ADAMTS12: variants seen among roughly 807,000 people sequenced by gnomAD.
ADAMTS12 encodes ADAM metallopeptidase with thrombospondin type 1 motif 12.
ADAMTS12 carries 118 observed loss-of-function variants against 167.8 expected under a neutral mutation model. The ratio of observed to expected loss-of-function variants is 0.70; its 90% confidence interval spans 0.61 to 0.82. The LOEUF (loss-of-function observed/expected upper bound fraction) is 0.82, where lower values mean the gene tolerates loss of function less well. ADAMTS12 is among the 40% of genes least tolerant of loss of function. ADAMTS12 has a pLI of 0.00. For missense variants in ADAMTS12, 1,916 were observed against 1,998.8 expected, an observed-to-expected ratio of 0.96 and a Z score of 0.79; for synonymous variants, 704 against 716.9, an observed-to-expected ratio of 0.98 and a Z score of 0.29.
At position 33,781,739 on chromosome 5, in the gene ADAMTS12, A is replaced by C. The variant is rs375561141; in HGVS notation, c.490-30191T>G. 1.2e-4 allele frequency among the ~76,000 whole-genome samples: 19 copies of C among 152,060 alleles called. No homozygotes were observed. The East Asian group carries it at 3.1e-3, about 25-fold the overall frequency. ...ACTTTAAGTTTTAGGGTACATGTGC[A>C]CAATGTGCAGGTTAGTTACATATGT... On this transcript the variant is annotated intron_variant, in intron 2 of 23. Coordinates refer to ENST00000504830, the MANE Select transcript of ADAMTS12 (RefSeq NM_030955.4).
rs1322592340 is a variant in ADAMTS12 at position 33,534,944 on chromosome 5, C to T, written c.4495G>A (p.Val1499Met). The T allele has an allele frequency of 1.2e-6, 2 of 1,613,656 alleles. No individual in the cohort carries two copies. The highest frequency in any genetic ancestry group is 2.2e-5 in the East Asian group (1 of 44,870). ...GGFQKRTVQC[V>M]PSEGNKTEDQ... ...TCAGTTTTATTGCCCTCTGAGGGCA[C>T]ACATTGGACAGTCCTCTTCTGAAAG... The change falls in exon 23 of 24, where the codon GTG becomes ATG. Residue 1499 changes from valine (V) to methionine (M), a missense_variant. Coordinates refer to ENST00000504830, the MANE Select transcript of ADAMTS12 (RefSeq NM_030955.4).
At chr5:33,802,925 C>G (rs186949337) in intron 2 of ADAMTS12, among the ~76,000 whole-genome samples, 20 of 152,270 alleles carry the variant, frequency 1.3e-4, no homozygotes, top group African/African-American at 4.8e-4. Context: ...CTGAGGAACT[C>G]TACATGCCAG....
In ADAMTS12 at chr5:33,576,111, G is replaced by T; in HGVS notation, c.3915C>A (p.Tyr1305Ter). Reference protein sequence around the residue: ...TEGFLLNASNYKQLTNGHGSA... With the variant: ...TEGFLLNASN ...AGCCGTGGCCGTTTGTGAGCTGCTT[G>T]TAATTGGAGGCATTTAGCAAAAAGC... The change falls in exon 19 of 24, where the codon TAC (tyrosine) becomes TAA (stop). Residue 1305 changes from tyrosine (Y) to a stop codon, truncating the protein, a stop_gained. Transcript: ENST00000504830. LOFTEE classifies it high-confidence loss of function. 1 of 1,614,184 alleles carries T rather than the reference G, an allele frequency of 6.2e-7. No homozygotes were observed. Among genetic ancestry groups the T allele is most frequent in the Non-Finnish European group, 8.5e-7 (1 of 1,180,024 alleles).
chr5:33,608,495 C>T (rs571975833), intron 16 of ADAMTS12, among the ~76,000 whole-genome samples: 8 of 152,132 alleles, frequency 5.3e-5, no homozygotes, highest in African/African-American at 7.2e-5. Context: ...TCACTTATCA[C>T]GCTTAGAGTT....
intron 5 of ADAMTS12, among the ~76,000 whole-genome samples, chr5:33,681,665 G>T (rs1460183017): frequency 6.6e-5 from 10 of 152,138 alleles, no homozygotes; most frequent in Non-Finnish European, 1.2e-4. Flanking sequence ...AATAAGAGGG[G>T]TCTACTTTGA....
At chr5:33,777,149 G>T (rs1401507008) in intron 2 of ADAMTS12, among the ~76,000 whole-genome samples, 2 of 152,048 alleles carry the variant, frequency 1.3e-5, no homozygotes, top group African/African-American at 4.8e-5. Flanking sequence ...TATTGAAGAG[G>T]TAGAATGACT....
At chr5:33,594,558 C>T (rs1747819244) in intron 17 of ADAMTS12, among the ~76,000 whole-genome samples, 1 of 152,212 alleles carries the variant, frequency 6.6e-6, no homozygotes, top group Admixed American at 6.5e-5. Flanking sequence ...CTGCCTCATT[C>T]TTCCCTGAGA....
In ADAMTS12 at chr5:33,534,997, A is replaced by C. The variant is rs1344537477; in HGVS notation, c.4447-5T>G. 6.3e-7 allele frequency: 1 copy of C among 1,598,892 alleles called. No homozygotes were observed. Among genetic ancestry groups the C allele is most frequent in the Non-Finnish European group, 8.5e-7 (1 of 1,175,010 alleles). ...ACCTCCACAGGAAGTGGAACACTGA[A>C]AGAGAAGGTGAACAGAGAGTCAGAA... is the stretch of plus-strand genomic sequence containing the variant. On this transcript the variant is annotated splice_polypyrimidine_tract_variant and splice_region_variant and intron_variant, in intron 22 of 23. Coordinates refer to ENST00000504830, the MANE Select transcript of ADAMTS12 (RefSeq NM_030955.4).
chr5:33,853,697 C>T (rs1298725571), intron 2 of ADAMTS12, among the ~76,000 whole-genome samples: 1 of 152,190 alleles, frequency 6.6e-6, no homozygotes, highest in African/African-American at 2.4e-5. Context: ...TTTCGACAAA[C>T]AATTTGCCAC....
chr5:33,751,541 A>C lies in ADAMTS12; in HGVS notation c.497T>G (p.Phe166Cys). 1.2e-6 allele frequency: 2 copies of C among 1,613,884 alleles called. No individual in the cohort carries two copies. The highest frequency in any genetic ancestry group is 1.7e-6 in the Non-Finnish European group (2 of 1,179,942). ...ALSACHGLTG[F>C]FQLPHGDFFI... ...AAAGTCTCCATGTGGTAGTTGGAAA[A>C]ATCCAGTCTGTAAATACATTCAGTA... is the stretch of plus-strand genomic sequence containing the variant. The change falls in exon 3 of 24, where the codon TTT becomes TGT. Residue 166 changes from phenylalanine (F) to cysteine (C), a missense_variant. Transcript: ENST00000504830.
At chr5:33,709,899 C>T (rs1461050553) in intron 3 of ADAMTS12, among the ~76,000 whole-genome samples, 1 of 151,884 alleles carries the variant, frequency 6.6e-6, no homozygotes, top group African/African-American at 2.4e-5. Flanking sequence ...TCCAATCTAC[C>T]ATGAAAATAA....
At chr5:33,578,744 A>G (rs941790531) in intron 18 of ADAMTS12, among the ~76,000 whole-genome samples, 2 of 152,216 alleles carry the variant, frequency 1.3e-5, no homozygotes, top group African/African-American at 2.4e-5. Flanking sequence ...TCAATCAAAC[A>G]TAATCACTTA....
chr5:33,535,605 A>G (rs1744358718), intron 22 of ADAMTS12, among the ~76,000 whole-genome samples: 1 of 152,216 alleles, frequency 6.6e-6, no homozygotes, highest in Non-Finnish European at 1.5e-5. Context: ...GGTTCTAGCT[A>G]AGACTCCCAA....
intron 13 of ADAMTS12, among the ~76,000 whole-genome samples, chr5:33,629,071 G>A (rs1186186311): frequency 6.6e-6 from 1 of 152,158 alleles, no homozygotes. Context: ...GGATCTCTGG[G>A]ATGTGGAGTC....
At chr5:33,623,488 A>C (rs1739429441) in intron 14 of ADAMTS12, among the ~76,000 whole-genome samples, 1 of 152,212 alleles carries the variant, frequency 6.6e-6, no homozygotes, top group Non-Finnish European at 1.5e-5. Context: ...TTCCTTGGGA[A>C]CTGACTCTTC....
At chr5:33,771,894 C>T (rs1481615470) in intron 2 of ADAMTS12, among the ~76,000 whole-genome samples, 1 of 151,124 alleles carries the variant, frequency 6.6e-6, no homozygotes, top group Non-Finnish European at 1.5e-5. Context: ...GGCACAATCT[C>T]AGCTCACTGC....
chr5:33,606,739 A>C (rs1738457695), intron 16 of ADAMTS12, among the ~76,000 whole-genome samples: 1 of 152,200 alleles, frequency 6.6e-6, no homozygotes, highest in Non-Finnish European at 1.5e-5. Context: ...AAAAGAGGAA[A>C]AATAACCCAA....
intron 18 of ADAMTS12, among the ~76,000 whole-genome samples, chr5:33,579,331 A>C (rs904484099): frequency 5.9e-5 from 9 of 152,228 alleles, no homozygotes; most frequent in African/African-American, 2.2e-4. Flanking sequence ...GAGCTGACTG[A>C]TAACTGAGGT....
chr5:33,762,903 A>G (rs142529857), intron 2 of ADAMTS12, among the ~76,000 whole-genome samples: 2 of 152,302 alleles, frequency 1.3e-5, no homozygotes, highest in African/African-American at 4.8e-5. Context: ...AGTAGGAGGT[A>G]AGATCATCTG....
Sources: gnomAD v4.1 joint callset for allele counts (sites outside exome capture counted in the v4.1 genomes callset) on GRCh38, gnomAD v4.1.1 for gene constraint, MANE v1.5 for transcripts, NCBI Gene and HGNC (gene_info 2026-07-23, HGNC 2026-07-21) for gene names.